WDR62: variants seen among roughly 807,000 people sequenced by gnomAD.
WDR62 encodes WD repeat domain 62.
A neutral mutation model predicts 160.6 loss-of-function variants in WDR62; 112 were observed. The ratio of observed to expected loss-of-function variants is 0.70; its 90% CI spans 0.60 to 0.82. WDR62 has a LOEUF of 0.82. Ranked by LOEUF, WDR62 falls within the 40% of genes least tolerant of loss-of-function variation. The pLI, the probability that WDR62 is intolerant of heterozygous loss-of-function variation, is 0.00. For missense variants in WDR62, 1,819 were observed against 1,983.8 expected (o/e 0.92, Z 1.58); for synonymous variants, 792 against 815.1 (o/e 0.97, Z 0.48).
In WDR62 at chr19:36,100,745, T is replaced by C. The variant is rs1973277507; in HGVS notation, c.2740-3T>C. On this transcript the variant is annotated splice_region_variant and splice_polypyrimidine_tract_variant and intron_variant, in intron 22 of 31. Transcript: ENST00000401500. The stretch of plus-strand genomic sequence containing the variant: ...CAGAATGGCTGTGCTGTCTTCCCCA[T>C]AGTCAGAGAGTCCCCAGGAAGCTGG... The C allele has an allele frequency of 1.2e-6, 2 of 1,613,934 alleles. No individual in the cohort carries two copies. Among genetic ancestry groups the C allele is most frequent in the Middle Eastern group, 1.7e-4 (1 of 6,058 alleles).
At chr19:36,078,604 G>A (rs1281540346) in intron 9 of WDR62, among the ~76,000 whole-genome samples, 1 of 151,846 alleles carries the variant, frequency 6.6e-6, no homozygotes, top group Non-Finnish European at 1.5e-5. Flanking sequence ...GGAGGCCGAG[G>A]CAGGTGGATC....
rs199931318 is a variant in WDR62, at chr19:36,066,412, C to T, written c.546C>T (p.Asn182=). Residue 182 remains asparagine, a synonymous_variant, in exon 5 of 32, where the codon AAC becomes AAT. Transcript: ENST00000401500. The part of the protein sequence containing the change: ...SMGYQHDMVL[N]VWDWKKDIVV... Reference sequence around the variant, plus strand: ...GCTACCAACATGACATGGTGCTCAACGTCTGGGACTGGAAGGTAAGAGCCG... The same window carrying T: ...GCTACCAACATGACATGGTGCTCAATGTCTGGGACTGGAAGGTAAGAGCCG... The T allele has an allele frequency of 4.2e-4, 666 of 1,604,580 alleles. 1 individual carries two copies. The highest frequency in any genetic ancestry group is 1.0e-3 in the Admixed American group (61 of 58,286).
chr19:36,090,561 G>A (rs377427471), intron 16 of WDR62, 41 bp downstream of exon 16: 3 of 1,595,662 alleles, frequency 1.9e-6, no homozygotes, highest in Non-Finnish European at 2.6e-6. Flanking sequence ...TGCCCTGATG[G>A]GCCACCTATT....
intron 9 of WDR62, among the ~76,000 whole-genome samples, chr19:36,079,221 A>C (rs1971755032): frequency 6.6e-6 from 1 of 151,932 alleles, no homozygotes; most frequent in South Asian, 2.1e-4. Flanking sequence ...AGCTGGGACC[A>C]CAGGCATGCA....
intron 3 of WDR62, chr19:36,062,039 C>T (rs1264451746): frequency 6.6e-6 from 1 of 152,044 alleles, no homozygotes; most frequent in Non-Finnish European, 1.5e-5. Context: ...TTCCACCTCC[C>T]GGGTTCAGGT....
intron 9 of WDR62, 117 bp downstream of exon 9, chr19:36,073,648 G>C: frequency 1.2e-6 from 1 of 853,814 alleles, no homozygotes. Context: ...CTATGCATCA[G>C]GCCCTGTCCT....
chr19:36,078,347 C>T (rs1037630108), intron 9 of WDR62, among the ~76,000 whole-genome samples: 9 of 151,342 alleles, frequency 5.9e-5, no homozygotes, highest in African/African-American at 1.7e-4. Context: ...ACGGTTTCGC[C>T]GTGTTGGCCA....
At chr19:36,076,974 T>G (rs529492805) in intron 9 of WDR62, among the ~76,000 whole-genome samples, 90 of 152,124 alleles carry the variant, frequency 5.9e-4, no homozygotes, top group African/African-American at 2.1e-3. Flanking sequence ...TATGTGTGTG[T>G]GTGTATATAT....
At chr19:36,095,741 C>G (rs1315392150) in intron 20 of WDR62, among the ~76,000 whole-genome samples, 1 of 152,246 alleles carries the variant, frequency 6.6e-6, no homozygotes, top group East Asian at 1.9e-4. Context: ...TTGCAGTGAG[C>G]TGAGACTGCG....
intron 12 of WDR62, among the ~76,000 whole-genome samples, chr19:36,086,468 G>T (rs1972237290): frequency 6.6e-6 from 1 of 152,186 alleles, no homozygotes; most frequent in Non-Finnish European, 1.5e-5. Flanking sequence ...TCCTCCCTGA[G>T]CTGGTGGTGA....
At chr19:36,072,006 G>A (rs545755477) in intron 8 of WDR62, among the ~76,000 whole-genome samples, 11 of 152,314 alleles carry the variant, frequency 7.2e-5, no homozygotes, top group Non-Finnish European at 1.6e-4. Flanking sequence ...TGAATGTGGC[G>A]GAGTGTTTCC....
At chr19:36,072,744 A>G (rs145139871) in intron 8 of WDR62, among the ~76,000 whole-genome samples, 1 of 152,170 alleles carries the variant, frequency 6.6e-6, no homozygotes, top group African/African-American at 2.4e-5. Context: ...AGTCGGGCTC[A>G]CAGCTCTGCT....
At chr19:36,073,658 T>C (rs1023159429) in intron 9 of WDR62, 127 bp downstream of exon 9, 2 of 814,892 alleles carry the variant, frequency 2.5e-6, no homozygotes, top group Admixed American at 4.0e-5. Context: ...GGCCCTGTCC[T>C]AGGTGCTGAG....
chr19:36,057,333 G>A (rs1970423270), intron 1 of WDR62, among the ~76,000 whole-genome samples: 1 of 152,032 alleles, frequency 6.6e-6, no homozygotes, highest in Non-Finnish European at 1.5e-5. Flanking sequence ...TTGTTTGGCA[G>A]CACAGAGTTG....
Position 36,101,314 on chromosome 19 carries a change from G to T in WDR62, c.2968G>T (p.Glu990Ter). ...CAGCCCAAAGGACCAGAGCCCGCCT[G>T]AGGGTGAGTGCAGGGCAGGCAGGGA... is the stretch of plus-strand genomic sequence containing the variant. ...SDSPKDQSPPEDSGESEADLE... is the reference protein window; with the variant it reads ...SDSPKDQSPP Residue 990 changes from glutamate to a stop codon, truncating the protein, a stop_gained, in exon 24 of 32, where the codon GAG becomes TAG. Coordinates refer to ENST00000401500, the MANE Select transcript of WDR62 (RefSeq NM_001083961.2). LOFTEE classifies it high-confidence loss of function. 1 of 1,609,436 alleles carries T rather than the reference G, an allele frequency of 6.2e-7. No homozygotes were observed. The highest frequency in any genetic ancestry group is 1.7e-5 in the Admixed American group (1 of 59,264).
rs374027487 is a variant in WDR62, at chr19:36,082,675, G to T, written c.1372-388G>T. 3.9e-5 allele frequency among the ~76,000 whole-genome samples: 6 copies of T among 152,266 alleles called. No homozygotes were observed. In the South Asian group the frequency reaches 1.2e-3, roughly 32 times the overall value. ...TCTGACTCATGAAAGTAGTCTGAAG[G>T]TAACCAGTTTAGACCGTTCTGCAGG... On this transcript the variant is annotated intron_variant, in intron 10 of 31. Transcript: ENST00000401500.
chr19:36,058,360 C>CA (rs1970470798), intron 1 of WDR62, among the ~76,000 whole-genome samples: 3 of 151,912 alleles, frequency 2.0e-5, no homozygotes, highest in African/African-American at 7.2e-5. Flanking sequence ...CAAAAACAAA[C>CA]AAAAAAAAGT....
chr19:36,061,111 TC>T (rs1297217298), intron 3 of WDR62: 1 of 152,228 alleles, frequency 6.6e-6, no homozygotes, highest in Admixed American at 6.5e-5. Context: ...GTGGGTTTTC[TC>T]CTGCCCTTAT....
chr19:36,097,732 A>C (rs569282036), intron 21 of WDR62, among the ~76,000 whole-genome samples: 1 of 151,842 alleles, frequency 6.6e-6, no homozygotes, highest in Non-Finnish European at 1.5e-5. Flanking sequence ...AAAAATAAAA[A>C]AATTAGCCAG....
Sources: allele counts gnomAD v4.1 joint callset (sites outside exome capture counted in the v4.1 genomes callset), GRCh38; gene constraint gnomAD v4.1.1; transcripts MANE v1.5; gene names NCBI Gene and HGNC (gene_info 2026-07-23, HGNC 2026-07-21).